The following CMSS1 variants were observed in gnomAD, a reference collection of about 807,000 sequenced individuals.
CMSS1 encodes the protein cms1 ribosomal small subunit homolog, also known as protein CMSS1.
A neutral mutation model predicts 43.5 loss-of-function variants in CMSS1; 33 were observed. The observed-to-expected ratio is 0.76, with a 90% CI of 0.57 to 1.01. The LOEUF (loss-of-function observed/expected upper bound fraction) is 1.01, where lower values mean the gene tolerates loss of function less well. Ranked by LOEUF, CMSS1 falls within the 50% of genes least tolerant of loss-of-function variation. CMSS1 has a pLI of 0.00. For missense variants in CMSS1, 313 were observed against 326.4 expected (o/e 0.96, Z 0.32); for synonymous variants, 115 against 117.2 (o/e 0.98, Z 0.12).
chr3:100,091,145 C>T (rs189892974), intron 1 of CMSS1, among the ~76,000 whole-genome samples: 13,427 of 151,764 alleles, frequency 0.088, 738 homozygotes, highest in African/African-American at 0.14. Context: ...CTTAGCTGGG[C>T]ATGGTGGCGG....
At chr3:99,867,745 T>C (rs1487830019) in intron 1 of CMSS1, among the ~76,000 whole-genome samples, 2 of 152,174 alleles carry the variant, frequency 1.3e-5, no homozygotes, top group Non-Finnish European at 2.9e-5. Flanking sequence ...TTCTTTCCTA[T>C]ATAACACTGT....
rs977722205 is a variant in CMSS1, at chr3:99,994,146, C to G, written c.65-152827C>G. Among the ~76,000 whole-genome samples, 7 of 152,116 alleles carry G rather than the reference C, an allele frequency of 4.6e-5. No homozygotes were observed. In the East Asian group the frequency reaches 1.3e-3, roughly 29 times the overall value. On this transcript the variant is annotated intron_variant, in intron 1 of 9. Coordinates refer to ENST00000421999, the MANE Select transcript of CMSS1 (RefSeq NM_032359.4). Reference sequence around the variant, plus strand: ...GGAGATTTTTTATTACTGATTCAATCTTGCTACTCATTATTGGTCTGTTCA... The same window carrying G: ...GGAGATTTTTTATTACTGATTCAATGTTGCTACTCATTATTGGTCTGTTCA...
chr3:100,137,175 T>C (rs1336048573), intron 1 of CMSS1, among the ~76,000 whole-genome samples: 1 of 152,246 alleles, frequency 6.6e-6, no homozygotes, highest in Non-Finnish European at 1.5e-5. Context: ...TTCTGGCTCC[T>C]AGGGATTGAG....
chr3:99,932,909 C>T (rs1377755884), intron 1 of CMSS1, among the ~76,000 whole-genome samples: 1 of 152,092 alleles, frequency 6.6e-6, no homozygotes, highest in African/African-American at 2.4e-5. Flanking sequence ...AGGACATTCA[C>T]CCTCTTCAGG....
At chr3:99,884,481 GA>G (rs1270877021) in intron 1 of CMSS1, among the ~76,000 whole-genome samples, 1 of 152,178 alleles carries the variant, frequency 6.6e-6, no homozygotes, top group Non-Finnish European at 1.5e-5. Context: ...CCAGGGAGTG[GA>G]AAGGGAAGGG....
At chr3:99,840,901 A>G (rs1425996800) in intron 1 of CMSS1, among the ~76,000 whole-genome samples, 1 of 152,206 alleles carries the variant, frequency 6.6e-6, no homozygotes. Flanking sequence ...TTGTTAATCT[A>G]CTGTGGTCTT....
At chr3:100,056,521 T>C (rs542749923) in intron 1 of CMSS1, among the ~76,000 whole-genome samples, 3 of 152,310 alleles carry the variant, frequency 2.0e-5, no homozygotes, top group East Asian at 3.9e-4. Context: ...AGAGATATCA[T>C]TAACATTTTA....
chr3:99,832,950 T>C (rs1313730257), intron 1 of CMSS1, among the ~76,000 whole-genome samples: 1 of 151,716 alleles, frequency 6.6e-6, no homozygotes, highest in Non-Finnish European at 1.5e-5. Context: ...TCTTGGATCA[T>C]TTTTATAGAG....
At chr3:99,918,699 C>T (rs1707032439) in intron 1 of CMSS1, among the ~76,000 whole-genome samples, 1 of 152,154 alleles carries the variant, frequency 6.6e-6, no homozygotes, top group Non-Finnish European at 1.5e-5. Flanking sequence ...TTAGTACCCA[C>T]ATGAGGTAAT....
chr3:100,019,846 G>A (rs1394541628), intron 1 of CMSS1, among the ~76,000 whole-genome samples: 1 of 151,952 alleles, frequency 6.6e-6, no homozygotes, highest in Non-Finnish European at 1.5e-5. Flanking sequence ...TTTTTTTAAT[G>A]TACTTGGCAT....
intron 1 of CMSS1, among the ~76,000 whole-genome samples, chr3:99,833,473 A>G (rs547985431): frequency 4.4e-4 from 67 of 152,344 alleles, no homozygotes; most frequent in African/African-American, 1.3e-3. Context: ...TCTCAGTTCT[A>G]TAGCCCAATT....
chr3:99,988,114 AT>A (rs1362512130), intron 1 of CMSS1, among the ~76,000 whole-genome samples: 2 of 152,138 alleles, frequency 1.3e-5, no homozygotes, highest in Non-Finnish European at 2.9e-5. Context: ...TTCAGTTTCA[AT>A]AACTTTTTTT....
At chr3:100,128,666 C>T (rs923495512) in intron 1 of CMSS1, among the ~76,000 whole-genome samples, 1 of 152,198 alleles carries the variant, frequency 6.6e-6, no homozygotes, top group African/African-American at 2.4e-5. Context: ...ACTCCCCACA[C>T]CCATATACAC....
chr3:99,901,875 A>G (rs1345382785), intron 1 of CMSS1, among the ~76,000 whole-genome samples: 2 of 152,168 alleles, frequency 1.3e-5, no homozygotes, highest in Non-Finnish European at 2.9e-5. Context: ...TGTGAGTGGT[A>G]CCACCTGCCT....
chr3:100,101,798 G>C (rs1048923548), intron 1 of CMSS1, among the ~76,000 whole-genome samples: 1 of 151,974 alleles, frequency 6.6e-6, no homozygotes, highest in Admixed American at 6.6e-5. Context: ...AGGCCCCAGT[G>C]TGTGATGTTC....
chr3:100,108,718 G>T (rs1199742312), intron 1 of CMSS1, among the ~76,000 whole-genome samples: 46 of 152,164 alleles, frequency 3.0e-4, no homozygotes, highest in Admixed American at 3.0e-3. Context: ...TCGTTTGTTT[G>T]TTAGATAACT....
At position 99,945,405 on chromosome 3, in the gene CMSS1, C is replaced by T. The variant is rs1415006916; in HGVS notation, c.64+127362C>T. Among the ~76,000 whole-genome samples the T allele has an allele frequency of 7.2e-5, 11 of 152,292 alleles. No individual in the cohort carries two copies. The East Asian group carries it at 1.7e-3, about 24-fold the overall frequency. Reference sequence around the variant, plus strand: ...GGGGATAGATTGAGCTTGGGGGTTCCACCCACTGTGTGTGGTTCCATATAG... The same window carrying T: ...GGGGATAGATTGAGCTTGGGGGTTCTACCCACTGTGTGTGGTTCCATATAG... On this transcript the variant is annotated intron_variant, in intron 1 of 9. Coordinates refer to ENST00000421999, the MANE Select transcript of CMSS1 (RefSeq NM_032359.4).
At chr3:99,852,298 C>T (rs535587509) in intron 1 of CMSS1, among the ~76,000 whole-genome samples, 2 of 152,170 alleles carry the variant, frequency 1.3e-5, no homozygotes, top group Non-Finnish European at 2.9e-5. Flanking sequence ...TGACTACTTA[C>T]ATTCTGATAG....
In CMSS1 at chr3:99,848,050, C is replaced by A. The variant is rs551073841; in HGVS notation, c.64+30007C>A. The A allele has an allele frequency of 5.6e-6, 7 of 1,259,982 alleles. No homozygotes were observed. In the East Asian group the frequency reaches 1.6e-4, roughly 28 times the overall value. 78.1% of individuals were successfully genotyped at this position (1,259,982 alleles called of 1,614,324 possible). A position where few individuals can be genotyped will look rare whatever the true frequency, so the allele number is the denominator to read the frequency against. The stretch of plus-strand genomic sequence containing the variant: ...AAAGATGTATTTATACAAGTGCAGA[C>A]TAAATATTTTCCATACAAGTATGTA... On this transcript the variant is annotated intron_variant, in intron 1 of 9. Coordinates refer to ENST00000421999, the MANE Select transcript of CMSS1 (RefSeq NM_032359.4).
Sources: allele counts gnomAD v4.1 joint callset (sites outside exome capture counted in the v4.1 genomes callset), GRCh38; gene constraint gnomAD v4.1.1; transcripts MANE v1.5; gene names NCBI Gene and HGNC (gene_info 2026-07-23, HGNC 2026-07-21).